Variants in CPNE8 observed in about 807,000 individuals in gnomAD.
CPNE8 encodes the protein copine 8.
Under a neutral mutation model 81.5 loss-of-function variants are expected in CPNE8, and 45 were observed. The ratio of observed to expected loss-of-function variants is 0.55; its 90% confidence interval spans 0.44 to 0.71. The LOEUF is 0.71. Among genes scored for constraint, CPNE8 ranks in the 30% least tolerant of loss-of-function variants. The pLI is 0.00. For synonymous variants in CPNE8, 252 were observed against 226.3 expected, an observed-to-expected ratio of 1.11 and a Z score of -1.02; for missense variants, 594 against 672.1, an observed-to-expected ratio of 0.88 and a Z score of 1.28.
intron 6 of CPNE8, among the ~76,000 whole-genome samples, chr12:38,799,165 C>A (rs1374801101): frequency 2.6e-5 from 4 of 151,990 alleles, no homozygotes; most frequent in Non-Finnish European, 5.9e-5. Context: ...ACAAGCATAC[C>A]CGGGAATTGA....
intron 6 of CPNE8, among the ~76,000 whole-genome samples, chr12:38,787,138 A>G (rs563431782): frequency 1.3e-5 from 2 of 152,264 alleles, no homozygotes; most frequent in Admixed American, 6.5e-5. Flanking sequence ...TTTTCATCCA[A>G]CAGCTGCAGA....
chr12:38,824,751 T>C (rs2137012906), intron 6 of CPNE8, among the ~76,000 whole-genome samples: 1 of 152,328 alleles, frequency 6.6e-6, no homozygotes, highest in East Asian at 1.9e-4. Context: ...AATTGTGTGT[T>C]ACTTACAAGT....
chr12:38,741,398 C>T (rs992842058), intron 10 of CPNE8, among the ~76,000 whole-genome samples: 6 of 152,174 alleles, frequency 3.9e-5, no homozygotes, highest in African/African-American at 1.4e-4. Context: ...ACCATCTGAT[C>T]TTTGACAAAC....
At chr12:38,882,127 G>A (rs374776620) in intron 1 of CPNE8, among the ~76,000 whole-genome samples, 54 of 152,226 alleles carry the variant, frequency 3.5e-4, no homozygotes, top group Admixed American at 9.8e-4. Flanking sequence ...CTCTGCAGAC[G>A]TGATTAAACT....
chr12:38,824,108 C>T (rs1943151074), intron 6 of CPNE8, among the ~76,000 whole-genome samples: 1 of 151,984 alleles, frequency 6.6e-6, no homozygotes, highest in Non-Finnish European at 1.5e-5. Flanking sequence ...ATTGAAATTG[C>T]AAAAATCTTA....
intron 7 of CPNE8, among the ~76,000 whole-genome samples, chr12:38,775,921 A>T (rs1414657095): frequency 6.6e-6 from 1 of 152,196 alleles, no homozygotes; most frequent in South Asian, 2.1e-4. Flanking sequence ...ACTGCAAAAA[A>T]GTTTGCAGTA....
intron 13 of CPNE8, among the ~76,000 whole-genome samples, chr12:38,720,193 A>G (rs1246536618): frequency 2.0e-5 from 3 of 152,200 alleles, no homozygotes; most frequent in Admixed American, 6.5e-5. Context: ...AGGCAGTGCT[A>G]TAAGTAGGAA....
At chr12:38,808,693 T>G (rs1305560822) in intron 6 of CPNE8, among the ~76,000 whole-genome samples, 2 of 151,540 alleles carry the variant, frequency 1.3e-5, no homozygotes, top group Admixed American at 1.3e-4. Context: ...GCATGGCACA[T>G]GTATACATAT....
chr12:38,660,632 A>G (rs374765786), intron 19 of CPNE8, among the ~76,000 whole-genome samples: 1 of 152,194 alleles, frequency 6.6e-6, no homozygotes, highest in Non-Finnish European at 1.5e-5. Context: ...TAATTAAACT[A>G]AAGAGCTTCT....
At chr12:38,900,218 G>A (rs1317234768) in intron 1 of CPNE8, among the ~76,000 whole-genome samples, 1 of 152,084 alleles carries the variant, frequency 6.6e-6, no homozygotes, top group Non-Finnish European at 1.5e-5. Flanking sequence ...TAGAGTTAGA[G>A]TCACTTACTC....
intron 6 of CPNE8, among the ~76,000 whole-genome samples, chr12:38,782,666 TTTTTTGTTTTG>T (rs1350067184): frequency 6.6e-6 from 1 of 151,630 alleles, no homozygotes; most frequent in South Asian, 2.1e-4. Context: ...CTGAACTACA[TTTTTTGTTTTG>T]TTTTTGTTTT....
chr12:38,741,272 C>T (rs1406600468), intron 10 of CPNE8, among the ~76,000 whole-genome samples: 2 of 152,176 alleles, frequency 1.3e-5, no homozygotes, highest in Admixed American at 6.5e-5. Flanking sequence ...TGCTACCTGA[C>T]TTCAAACTAT....
chr12:38,884,162 A>C (rs1944205136), intron 1 of CPNE8, among the ~76,000 whole-genome samples: 1 of 152,128 alleles, frequency 6.6e-6, no homozygotes, highest in Non-Finnish European at 1.5e-5. Context: ...TCCTCCCACC[A>C]AAAACACCCT....
chr12:38,741,429 G>C (rs1941102002), intron 10 of CPNE8, among the ~76,000 whole-genome samples: 1 of 152,028 alleles, frequency 6.6e-6, no homozygotes, highest in African/African-American at 2.4e-5. Context: ...CAAGAAATGG[G>C]GAAAAGATTC....
chr12:38,789,520 G>T (rs1409185992), intron 6 of CPNE8, among the ~76,000 whole-genome samples: 1 of 151,674 alleles, frequency 6.6e-6, no homozygotes, highest in East Asian at 1.9e-4. Context: ...TTTTGGGAAA[G>T]TCTCCAGGAC....
At chr12:38,714,336 G>A (rs1339298174) in intron 13 of CPNE8, among the ~76,000 whole-genome samples, 1 of 152,008 alleles carries the variant, frequency 6.6e-6, no homozygotes, top group Non-Finnish European at 1.5e-5. Flanking sequence ...AATGCCAAAG[G>A]TTGGAGATTA....
intron 6 of CPNE8, among the ~76,000 whole-genome samples, chr12:38,795,269 T>C (rs1565619672): frequency 6.6e-6 from 1 of 152,228 alleles, no homozygotes; most frequent in Non-Finnish European, 1.5e-5. Flanking sequence ...TATACATATA[T>C]ATCCTATTAG....
At chr12:38,858,011 T>C (rs558601058) in intron 3 of CPNE8, among the ~76,000 whole-genome samples, 2 of 152,352 alleles carry the variant, frequency 1.3e-5, no homozygotes, top group African/African-American at 4.8e-5. Context: ...AAGTACATTC[T>C]CTCTCTGAAA....
At chr12:38,705,241 G>C (rs187166699) in intron 13 of CPNE8, among the ~76,000 whole-genome samples, 76 of 151,962 alleles carry the variant, frequency 5.0e-4, no homozygotes, top group East Asian at 4.6e-3. Flanking sequence ...AATAATGATG[G>C]GATTTAAATA....
Sources: allele counts gnomAD v4.1 joint callset (sites outside exome capture counted in the v4.1 genomes callset), GRCh38; gene constraint gnomAD v4.1.1; transcripts MANE v1.5; gene names NCBI Gene and HGNC (gene_info 2026-07-23, HGNC 2026-07-21).